The following NBAS variants were observed in gnomAD, a reference collection of about 807,000 sequenced individuals.
NBAS encodes NAG/BC035112 fusion.
A neutral mutation model predicts 302.5 loss-of-function variants in NBAS; 219 were observed. The observed-to-expected ratio is 0.72, with a 90% CI of 0.65 to 0.81. The LOEUF is 0.81. Ranked by LOEUF, NBAS falls within the 30% of genes least tolerant of loss-of-function variation. NBAS has a pLI of 0.00. For missense variants in NBAS, 2,932 were observed against 2,841.6 expected, an observed-to-expected ratio of 1.03 and a Z score of -0.72; for synonymous variants, 1,118 against 1,021.6, an observed-to-expected ratio of 1.09 and a Z score of -1.80.
intron 23 of NBAS, among the ~76,000 whole-genome samples, chr2:15,423,780 T>C (rs1037491862): frequency 2.6e-5 from 4 of 152,246 alleles, no homozygotes; most frequent in Admixed American, 6.5e-5. Context: ...TCAAGATTAG[T>C]ATTCAGATAC....
chr2:14,882,627 T>C, the NBAS span, among the ~76,000 whole-genome samples: 13,963 of 152,164 alleles, frequency 0.092, 1,029 homozygotes, highest in African/African-American at 0.2. Flanking sequence ...ATAATCCACA[T>C]GGGTTCTGCA....
At chr2:15,305,864 T>C (rs1558519507) in intron 40 of NBAS, among the ~76,000 whole-genome samples, 1 of 152,136 alleles carries the variant, frequency 6.6e-6, no homozygotes, top group East Asian at 1.9e-4. Flanking sequence ...AAAGATGATA[T>C]AGTTGGAATG....
chr2:14,786,689 G>C, the NBAS span, among the ~76,000 whole-genome samples: 3 of 152,190 alleles, frequency 2.0e-5, no homozygotes, highest in African/African-American at 7.2e-5. Context: ...CTGAGAGACA[G>C]TTTGTTATAA....
chr2:15,527,041 C>A, intron 9 of NBAS, among the ~76,000 whole-genome samples: 1 of 141,302 alleles, frequency 7.1e-6, no homozygotes, highest in Non-Finnish European at 1.5e-5. Context: ...AATAAACAAT[C>A]AAACAAAAAC....
chr2:15,220,147 C>T (rs1187340350), intron 47 of NBAS, among the ~76,000 whole-genome samples: 4 of 148,916 alleles, frequency 2.7e-5, no homozygotes, highest in East Asian at 2.0e-4. Flanking sequence ...CCCCACCTCC[C>T]TCCCGGACGG....
chr2:15,078,412 A>G, the NBAS span, among the ~76,000 whole-genome samples: 1 of 152,212 alleles, frequency 6.6e-6, no homozygotes, highest in Admixed American at 6.5e-5. Context: ...TTTGTCCTGC[A>G]TCCATCCTTT....
intron 51 of NBAS, among the ~76,000 whole-genome samples, chr2:15,169,194 C>T (rs958978454): frequency 1.1e-4 from 16 of 152,176 alleles, no homozygotes; most frequent in Non-Finnish European, 1.5e-5. Context: ...TCTCCGGCCT[C>T]CCAATTCATG....
chr2:15,468,566 G>C (rs373685688), intron 16 of NBAS, 33 bp from the exon 17 acceptor site: 9 of 1,608,548 alleles, frequency 5.6e-6, no homozygotes, highest in Non-Finnish European at 7.7e-6. Flanking sequence ...AGGAATTACA[G>C]AATCCATGAC....
chr2:15,021,393 C>A, the NBAS span, among the ~76,000 whole-genome samples: 4 of 152,088 alleles, frequency 2.6e-5, no homozygotes, highest in African/African-American at 7.2e-5. Flanking sequence ...CGGAGGAGTA[C>A]GTAATCACCT....
At chr2:15,361,196 G>A (rs1673903713) in intron 32 of NBAS, among the ~76,000 whole-genome samples, 1 of 152,122 alleles carries the variant, frequency 6.6e-6, no homozygotes, top group Non-Finnish European at 1.5e-5. Flanking sequence ...TTGCTGTGCA[G>A]TACGACTGTA....
chr2:15,353,492 T>A lies in NBAS; in HGVS notation c.4089+61A>T, dbSNP rs1055643670. 24 of 1,595,690 alleles carry A rather than the reference T, an allele frequency of 1.5e-5. No individual in the cohort carries two copies. In the African/African-American group the frequency reaches 3.1e-4, roughly 20 times the overall value. ...TTTTTAAGTGACCACATACCTCAGATACACACACCCAACAACATGGACGTC... is the reference window on the plus strand; with the variant it reads ...TTTTTAAGTGACCACATACCTCAGAAACACACACCCAACAACATGGACGTC... On this transcript the variant is annotated intron_variant, in intron 34 of 51. Transcript: ENST00000281513.
At chr2:15,507,830 C>T (rs1190505356) in intron 10 of NBAS, among the ~76,000 whole-genome samples, 1 of 152,194 alleles carries the variant, frequency 6.6e-6, no homozygotes, top group Non-Finnish European at 1.5e-5. Flanking sequence ...ATAAAACTAT[C>T]TCACATAGAT....
At chr2:14,936,279 C>T in the NBAS span, among the ~76,000 whole-genome samples, 2 of 152,216 alleles carry the variant, frequency 1.3e-5, no homozygotes, top group African/African-American at 2.4e-5. Flanking sequence ...TCTGTTGGCA[C>T]AAACTGGCCC....
At chr2:15,419,006 T>C (rs776284133) in intron 23 of NBAS, among the ~76,000 whole-genome samples, 1 of 152,078 alleles carries the variant, frequency 6.6e-6, no homozygotes, top group African/African-American at 2.4e-5. Context: ...GGAGTGAAAA[T>C]AGGCAGGCTG....
chr2:14,818,382 C>T, the NBAS span, among the ~76,000 whole-genome samples: 3 of 152,158 alleles, frequency 2.0e-5, no homozygotes, highest in Non-Finnish European at 4.4e-5. Flanking sequence ...TCTACCATCT[C>T]ATTTACTTTT....
Position 15,536,442 on chromosome 2 carries a change from C to G in NBAS, c.623G>C (p.Gly208Ala). ...CCTTACAAGGTAACTTCTAAGTTCT[C>G]CTCGGTAATTGATGACCAGGAGTTC... Reference protein sequence around the residue: ...SAELLVINYRGELRSYLVSVG... With the variant: ...SAELLVINYRAELRSYLVSVG... The change falls in exon 8 of 52, where the codon GGA (glycine) becomes GCA (alanine). Residue 208 changes from glycine (G) to alanine (A), a missense_variant. Gly to Ala is a moderately conservative substitution (Grantham distance 60). Transcript: ENST00000281513. 1 of 1,613,522 alleles carries G rather than the reference C, an allele frequency of 6.2e-7. No individual in the cohort carries two copies. Among genetic ancestry groups the G allele is most frequent in the Non-Finnish European group, 8.5e-7 (1 of 1,179,972 alleles).
chr2:14,869,623 T>C, the NBAS span, among the ~76,000 whole-genome samples: 1 of 152,156 alleles, frequency 6.6e-6, no homozygotes, highest in Non-Finnish European at 1.5e-5. Context: ...TACACTCCTC[T>C]TACCCTCAAT....
the NBAS span, among the ~76,000 whole-genome samples, chr2:15,132,913 TA>T: frequency 6.6e-6 from 1 of 151,626 alleles, no homozygotes; most frequent in Non-Finnish European, 1.5e-5. Context: ...TGCCTCTGGA[TA>T]GTGAGGTCAC....
intron 51 of NBAS, among the ~76,000 whole-genome samples, chr2:15,169,608 T>C (rs1302775505): frequency 6.6e-6 from 1 of 152,166 alleles, no homozygotes. Flanking sequence ...AGTTGCTCCA[T>C]GGTGGAGTGG....
Sources: gnomAD v4.1 joint callset for allele counts (sites outside exome capture counted in the v4.1 genomes callset) on GRCh38, gnomAD v4.1.1 for gene constraint, MANE v1.5 for transcripts, NCBI Gene and HGNC (gene_info 2026-07-23, HGNC 2026-07-21) for gene names.